The following SYNE1 variants were observed in gnomAD, a reference collection of about 807,000 sequenced individuals.
SYNE1 encodes spectrin repeat containing nuclear envelope protein 1, also known as nesprin-1.
Under a neutral mutation model 1,111.0 loss-of-function variants are expected in SYNE1, and 616 were observed. That is an observed-to-expected ratio of 0.55 (90% confidence interval 0.52 to 0.59). SYNE1 has a LOEUF of 0.59. Among genes scored for constraint, SYNE1 ranks in the 20% least tolerant of loss-of-function variants. The pLI, the probability that SYNE1 is intolerant of heterozygous loss-of-function variation, is 0.00. For missense variants in SYNE1, 10,006 were observed against 10,417.0 expected (o/e 0.96, Z 1.72); for synonymous variants, 3,855 against 3,825.8 (o/e 1.01, Z -0.28).
Position 152,409,240 on chromosome 6 carries a change from A to C in SYNE1, c.6382-14T>G. 1 of 1,612,104 alleles carries C rather than the reference A, an allele frequency of 6.2e-7. No homozygotes were observed. Among genetic ancestry groups the C allele is most frequent in the Non-Finnish European group, 8.5e-7 (1 of 1,178,402 alleles). On this transcript the variant is annotated splice_polypyrimidine_tract_variant and intron_variant, in intron 43 of 145. Transcript: ENST00000367255. ...GGCAGTTTCATGCTGTGGATAAATG[A>C]TTTCTTAATTAATAAAATAGTCAGT...
At chr6:152,600,036 C>A (rs571647275) in intron 3 of SYNE1, among the ~76,000 whole-genome samples, 64 of 152,284 alleles carry the variant, frequency 4.2e-4, no homozygotes, top group African/African-American at 1.5e-3. Flanking sequence ...AATGTCTCCC[C>A]TTTAGTGCCA....
chr6:152,612,759 G>C (rs1009999105), intron 3 of SYNE1, among the ~76,000 whole-genome samples: 1 of 152,124 alleles, frequency 6.6e-6, no homozygotes, highest in African/African-American at 2.4e-5. Flanking sequence ...TAAAATACTG[G>C]CAAACCGAAT....
At chr6:152,430,913 G>A (rs1027500909) in intron 34 of SYNE1, among the ~76,000 whole-genome samples, 2 of 152,128 alleles carry the variant, frequency 1.3e-5, no homozygotes, top group Admixed American at 1.3e-4. Flanking sequence ...ATGGGTTGGG[G>A]GGTGCTTGCT....
intron 137 of SYNE1, 46 bp downstream of exon 137, chr6:152,147,999 C>T: frequency 2.6e-6 from 4 of 1,531,016 alleles, no homozygotes; most frequent in Non-Finnish European, 3.6e-6. Flanking sequence ...TATTAATTCC[C>T]TCTGACTTTC....
intron 117 of SYNE1, among the ~76,000 whole-genome samples, chr6:152,223,687 A>T (rs1047652821): frequency 6.6e-5 from 10 of 152,254 alleles, no homozygotes; most frequent in African/African-American, 2.2e-4. Context: ...AGAGGAAGGC[A>T]GGCTGCATCT....
At position 152,369,244 on chromosome 6, in the gene SYNE1, C is replaced by T. The variant is rs1429463401; in HGVS notation, c.9652-117G>A. 1.1e-5 allele frequency: 15 copies of T among 1,411,572 alleles called. No homozygotes were observed. In the East Asian group the frequency reaches 3.1e-4, roughly 30 times the overall value. 87.4% of individuals were successfully genotyped at this position (1,411,572 alleles called of 1,614,324 possible). On this transcript the variant is annotated intron_variant, in intron 60 of 145. Coordinates refer to ENST00000367255, the MANE Select transcript of SYNE1 (RefSeq NM_182961.4). ...GCAGGCAGTCCGTGTACCCTGGAGG[C>T]TTTATTATCTCCAATCTACACACCG...
At chr6:152,506,068 G>A (rs2099056682) in intron 8 of SYNE1, among the ~76,000 whole-genome samples, 3 of 152,186 alleles carry the variant, frequency 2.0e-5, no homozygotes, top group Non-Finnish European at 2.9e-5. Flanking sequence ...TAATTGTCTT[G>A]AGGGCAAAGC....
intron 6 of SYNE1, among the ~76,000 whole-genome samples, chr6:152,520,041 A>G (rs1014341429): frequency 3.9e-5 from 6 of 152,216 alleles, no homozygotes; most frequent in Non-Finnish European, 7.3e-5. Context: ...AGGTCATGAA[A>G]GACAAGGAAA....
At chr6:152,386,996 C>A (rs1336194205) in intron 54 of SYNE1, 76 bp downstream of exon 54, 1 of 1,279,358 alleles carries the variant, frequency 7.8e-7, no homozygotes, top group African/African-American at 1.5e-5. Context: ...TGGCAACAGT[C>A]ATTATATTAT....
At chr6:152,514,310 G>A (rs1157379882) in intron 6 of SYNE1, among the ~76,000 whole-genome samples, 4 of 152,170 alleles carry the variant, frequency 2.6e-5, no homozygotes, top group Admixed American at 2.0e-4. Flanking sequence ...AAAAAAGGAT[G>A]AGTTCATGTT....
At chr6:152,555,227 A>G (rs527242085) in intron 3 of SYNE1, among the ~76,000 whole-genome samples, 2 of 152,364 alleles carry the variant, frequency 1.3e-5, no homozygotes, top group South Asian at 2.1e-4. Flanking sequence ...TATTCTGTTT[A>G]CATTCTCAAT....
At chr6:152,347,420 G>A (rs1055159418) in intron 72 of SYNE1, among the ~76,000 whole-genome samples, 185 bp from the exon 73 acceptor site, 9 of 152,136 alleles carry the variant, frequency 5.9e-5, no homozygotes, top group African/African-American at 1.9e-4. Context: ...CCAAGAGGAA[G>A]AGTCAATGAG....
chr6:152,351,946 G>T, intron 70 of SYNE1, 81 bp downstream of exon 70: 1 of 1,332,642 alleles, frequency 7.5e-7, no homozygotes, highest in Non-Finnish European at 1.1e-6. Flanking sequence ...TGTTACGGGT[G>T]ACACCCAGCA....
intron 38 of SYNE1, among the ~76,000 whole-genome samples, chr6:152,427,294 G>A (rs1348642337): frequency 6.6e-6 from 1 of 151,846 alleles, no homozygotes; most frequent in Non-Finnish European, 1.5e-5. Context: ...ACCCTTTATT[G>A]CCCAAACGTC....
chr6:152,416,759 G>A lies in SYNE1; in HGVS notation c.5678C>T (p.Ala1893Val). 1 of 1,614,234 alleles carries A rather than the reference G, an allele frequency of 6.2e-7. No homozygotes were observed. Among genetic ancestry groups the A allele is most frequent in the East Asian group, 2.2e-5 (1 of 44,884 alleles). The change falls in exon 41 of 146, where the codon GCA becomes GTA. Residue 1893 changes from alanine (A) to valine (V), a missense_variant. Ala to Val is a moderately conservative substitution (Grantham distance 64, BLOSUM62 0). Transcript: ENST00000367255. ...CTCGTTCTTATTCATACTGTTGGTTGCTTCCACTGTTTGCCTCAGCTGGCG... is the reference window on the plus strand; with the variant it reads ...CTCGTTCTTATTCATACTGTTGGTTACTTCCACTGTTTGCCTCAGCTGGCG... ...ILRQLRQTVEATNSMNKNESD... is the reference protein window; with the variant it reads ...ILRQLRQTVEVTNSMNKNESD...
chr6:152,487,958 C>T (rs951986536), intron 12 of SYNE1, among the ~76,000 whole-genome samples: 2 of 151,846 alleles, frequency 1.3e-5, no homozygotes, highest in Admixed American at 1.3e-4. Context: ...GCCTGTAGTC[C>T]CAGCTACTCA....
chr6:152,318,194 A>C lies in SYNE1; in HGVS notation c.16459T>G (p.Leu5487Val). The C allele has an allele frequency of 6.2e-7, 1 of 1,614,184 alleles. No individual in the cohort carries two copies. The highest frequency in any genetic ancestry group is 8.5e-7 in the Non-Finnish European group (1 of 1,180,036). The change falls in exon 86 of 146, where the codon TTG becomes GTG. Residue 5487 changes from leucine (L) to valine (V), a missense_variant. By Grantham distance (32) the Leu-to-Val change is conservative. This residue lies in a region of SYNE1 where 4,955 missense variants were observed against 5,017.2 expected (regional missense o/e 0.99). Transcript: ENST00000367255. ...MELDAAVQKF[L>V]EQNGQLGKPL... ...TTACCCAGTTGGCCATTCTGTTCCA[A>C]GAATTTCTGTACTGCTGCATCTAAT...
intron 78 of SYNE1, 137 bp downstream of exon 78, chr6:152,329,593 A>C: frequency 9.0e-7 from 1 of 1,112,892 alleles, no homozygotes; most frequent in Non-Finnish European, 1.3e-6. Flanking sequence ...CATTTAAGTC[A>C]CTGCTGAAGA....
At position 152,362,335 on chromosome 6, in the gene SYNE1, T is replaced by C. The variant is rs1271809827; in HGVS notation, c.10146-12A>G. On this transcript the variant is annotated splice_polypyrimidine_tract_variant and intron_variant, in intron 63 of 145. Transcript: ENST00000367255. Reference sequence around the variant, plus strand: ...CTCCTTCGAGTTGGCTGAAAGGGATTTGAAAGGACAATAAATCCACATTGA... The same window carrying C: ...CTCCTTCGAGTTGGCTGAAAGGGATCTGAAAGGACAATAAATCCACATTGA... The C allele has an allele frequency of 6.2e-7, 1 of 1,614,046 alleles. No individual in the cohort carries two copies. The highest frequency in any genetic ancestry group is 8.5e-7 in the Non-Finnish European group (1 of 1,180,030).
Sources: allele counts gnomAD v4.1 joint callset (sites outside exome capture counted in the v4.1 genomes callset), GRCh38; gene constraint gnomAD v4.1.1; regional missense constraint gnomAD v4.1.1; transcripts MANE v1.5; gene names NCBI Gene and HGNC (gene_info 2026-07-23, HGNC 2026-07-21).